Variants in ANXA2 observed in about 807,000 individuals in gnomAD.
The protein encoded by ANXA2 is annexin II.
A neutral mutation model predicts 47.3 loss-of-function variants in ANXA2; 28 were observed. The observed-to-expected ratio is 0.59, with a 90% CI of 0.44 to 0.81. ANXA2 has a LOEUF of 0.81. Ranked by LOEUF, ANXA2 falls within the 40% of genes least tolerant of loss-of-function variation. The probability of loss-of-function intolerance (pLI) is 0.00; values close to 1 mark genes in which losing one functional copy is unlikely to be tolerated. For missense variants in ANXA2, 384 were observed against 414.3 expected, an observed-to-expected ratio of 0.93 and a Z score of 0.64; for synonymous variants, 172 against 155.5, an observed-to-expected ratio of 1.11 and a Z score of -0.79.
intron 3 of ANXA2, among the ~76,000 whole-genome samples, chr15:60,369,466 A>G (rs189346921): frequency 9.2e-5 from 14 of 152,338 alleles, no homozygotes; most frequent in Non-Finnish European, 1.3e-4. Flanking sequence ...CAATTCTAAT[A>G]CTTCCAGAAG....
chr15:60,397,598 C>T (rs1031476683), intron 1 of ANXA2, among the ~76,000 whole-genome samples: 2 of 152,106 alleles, frequency 1.3e-5, no homozygotes, highest in Admixed American at 6.5e-5. Context: ...GCCTCGGCGG[C>T]GCCTGGCGCG....
intron 5 of ANXA2, among the ~76,000 whole-genome samples, chr15:60,357,655 T>A (rs1289053749): frequency 1.3e-5 from 2 of 152,106 alleles, no homozygotes; most frequent in Non-Finnish European, 2.9e-5. Flanking sequence ...TAGCTGGGCA[T>A]GGTAGCGGGC....
At chr15:60,357,798 A>C (rs2062455645) in intron 5 of ANXA2, among the ~76,000 whole-genome samples, 1 of 152,132 alleles carries the variant, frequency 6.6e-6, no homozygotes, top group African/African-American at 2.4e-5. Context: ...CATCTCAAAA[A>C]AAAAAAAAAG....
At chr15:60,397,509 G>A (rs868811982) in intron 1 of ANXA2, among the ~76,000 whole-genome samples, 2 of 152,146 alleles carry the variant, frequency 1.3e-5, no homozygotes, top group African/African-American at 2.4e-5. Context: ...CAGATGGGGG[G>A]CACTTTCTAG....
chr15:60,350,982 G>A (rs1895982596), intron 11 of ANXA2, among the ~76,000 whole-genome samples: 1 of 152,138 alleles, frequency 6.6e-6, no homozygotes, highest in Non-Finnish European at 1.5e-5. Context: ...CTTTTTGTCT[G>A]TACGCAAATA....
intron 1 of ANXA2, chr15:60,390,353 G>T: frequency 1.2e-6 from 1 of 803,242 alleles, no homozygotes; most frequent in Non-Finnish European, 1.7e-6. Flanking sequence ...CTCCCATGCC[G>T]ATAGCATTCC....
intron 3 of ANXA2, among the ~76,000 whole-genome samples, chr15:60,380,357 T>G (rs1039769203): frequency 6.6e-6 from 1 of 151,976 alleles, no homozygotes; most frequent in Non-Finnish European, 1.5e-5. Context: ...GGAGCCAGCA[T>G]TTGAACCTGG....
At chr15:60,393,326 T>C in intron 1 of ANXA2, 1 of 1,001,326 alleles carries the variant, frequency 1.0e-6, no homozygotes, top group Non-Finnish European at 1.2e-6. Flanking sequence ...GCAGGAAGAA[T>C]GATGTCACTT....
chr15:60,371,904 C>G (rs1323880088), intron 3 of ANXA2, among the ~76,000 whole-genome samples: 1 of 152,308 alleles, frequency 6.6e-6, no homozygotes, highest in South Asian at 2.1e-4. Flanking sequence ...ATAATCCCAG[C>G]ACTTTGGGAG....
intron 3 of ANXA2, among the ~76,000 whole-genome samples, chr15:60,369,359 C>T (rs2062682578): frequency 6.6e-6 from 1 of 152,206 alleles, no homozygotes; most frequent in Non-Finnish European, 1.5e-5. Context: ...AGGAAAACCA[C>T]TTGTTTATTA....
intron 5 of ANXA2, among the ~76,000 whole-genome samples, chr15:60,360,046 C>A (rs58175677): frequency 6.6e-6 from 1 of 152,146 alleles, no homozygotes; most frequent in South Asian, 2.1e-4. Flanking sequence ...CACCTGAGGT[C>A]GGGAGTTTGA....
chr15:60,352,317 G>A lies in ANXA2; in HGVS notation c.682+66C>T. ...ATTCTGGCAGACTCCATCCCAACATGGACATCCACCCAGCCGCCCCAGCCA... is the reference window on the plus strand; with the variant it reads ...ATTCTGGCAGACTCCATCCCAACATAGACATCCACCCAGCCGCCCCAGCCA... On this transcript the variant is annotated intron_variant, in intron 9 of 12. Transcript: ENST00000451270. This position sits in a 1 kb window ranked among gnomAD's most constrained non-coding sequence, Gnocchi z 4.2. 5 of 1,099,712 alleles carry A rather than the reference G, an allele frequency of 4.5e-6. No homozygotes were observed. Among genetic ancestry groups the A allele is most frequent in the Non-Finnish European group, 4.1e-6 (3 of 732,108 alleles). 68.1% of individuals were successfully genotyped at this position (1,099,712 alleles called of 1,614,324 possible). A position where few individuals can be genotyped will look rare whatever the true frequency, so the allele number is the denominator to read the frequency against.
intron 11 of ANXA2, among the ~76,000 whole-genome samples, chr15:60,350,341 A>T (rs1363735930): frequency 6.6e-6 from 1 of 152,148 alleles, no homozygotes; most frequent in East Asian, 1.9e-4. Context: ...CAGTTCAAGC[A>T]GTCTGAGTCT....
chr15:60,363,628 C>T (rs1416132277), intron 4 of ANXA2, among the ~76,000 whole-genome samples: 2 of 152,182 alleles, frequency 1.3e-5, no homozygotes, highest in African/African-American at 4.8e-5. Flanking sequence ...AAAGGACGAA[C>T]ACGCACTGGT....
At chr15:60,369,905 G>A (rs746544443) in intron 3 of ANXA2, among the ~76,000 whole-genome samples, 3 of 152,174 alleles carry the variant, frequency 2.0e-5, no homozygotes, top group Non-Finnish European at 4.4e-5. Flanking sequence ...CAGGTAAGAA[G>A]TAACATCTAA....
intron 1 of ANXA2, chr15:60,391,429 C>G (rs1418079869): frequency 1.3e-5 from 2 of 152,192 alleles, no homozygotes; most frequent in African/African-American, 4.8e-5. Context: ...GAATAATGCC[C>G]CAGGGTGGCA....
chr15:60,369,273 C>T (rs2062680784), intron 3 of ANXA2, among the ~76,000 whole-genome samples: 1 of 152,226 alleles, frequency 6.6e-6, no homozygotes, highest in Non-Finnish European at 1.5e-5. Context: ...TTCATGCCTA[C>T]CCACACATGC....
At chr15:60,385,938 C>T in intron 2 of ANXA2, 90 bp downstream of exon 2, 1 of 812,574 alleles carries the variant, frequency 1.2e-6, no homozygotes, top group Non-Finnish European at 2.0e-6. Flanking sequence ...TCCCCATCTT[C>T]CTTAGATGTA....
chr15:60,387,917 C>T (rs1014652186), intron 1 of ANXA2, among the ~76,000 whole-genome samples: 7 of 152,086 alleles, frequency 4.6e-5, no homozygotes, highest in African/African-American at 4.8e-5. Context: ...CGGCCGGGTG[C>T]GGTGGCTCAC....
Sources: gnomAD v4.1 joint callset for allele counts (sites outside exome capture counted in the v4.1 genomes callset) on GRCh38, gnomAD v4.1.1 for gene constraint, Gnocchi (gnomAD v3.1) non-coding constraint, MANE v1.5 for transcripts, NCBI Gene and HGNC (gene_info 2026-07-23, HGNC 2026-07-21) for gene names.